Variants in DOK1 observed in about 807,000 individuals in gnomAD.
The protein encoded by DOK1 is Downstream of tyrosine kinase 1.
Under a neutral mutation model 24.0 loss-of-function variants are expected in DOK1, and 12 were observed. The observed-to-expected ratio is 0.50, with a 90% CI of 0.32 to 0.81. The LOEUF is 0.81. DOK1 is among the 30% of genes least tolerant of loss of function. DOK1 has a pLI of 0.03. For synonymous variants in DOK1, 250 were observed against 260.9 expected (o/e 0.96, Z 0.40); for missense variants, 591 against 620.7 (o/e 0.95, Z 0.51).
upstream of DOK1, chr2:74,553,023 A>C: frequency 4.9e-6 from 1 of 205,710 alleles, no homozygotes; most frequent in Non-Finnish European, 9.7e-6. Context: ...GAAAACCAGA[A>C]AGACACAGAG....
Position 74,555,479 on chromosome 2 carries a change from G to C in DOK1, c.360+26G>C. The C allele has an allele frequency of 6.2e-7, 1 of 1,608,214 alleles. No homozygotes were observed. Among genetic ancestry groups the C allele is most frequent in the East Asian group, 2.2e-5 (1 of 44,826 alleles). On this transcript the variant is annotated intron_variant, in intron 2 of 4. Transcript: ENST00000233668. This position sits in a 1 kb window ranked among gnomAD's most constrained non-coding sequence, Gnocchi z 6.1. Reference sequence around the variant, plus strand: ...GTGAGGAGCTGCGGCGATGCGGGGTGGGGGCAGTTACAGAGGCAGAGAAAT... The same window carrying C: ...GTGAGGAGCTGCGGCGATGCGGGGTCGGGGCAGTTACAGAGGCAGAGAAAT...
upstream of DOK1, chr2:74,552,322 CT>C (rs1677068320): frequency 6.3e-7 from 1 of 1,595,190 alleles, no homozygotes; most frequent in Non-Finnish European, 8.6e-7. Flanking sequence ...CATTGCTCAC[CT>C]GTTCCAGGGC....
rs1253310863 is a variant in DOK1, at chr2:74,557,368, A to T, written c.*254A>T. ...CTTCCCTACTTCCCCAAATGAAGGG[A>T]CGGCTGTGGGACCAGGTCTGTGGAA... On this transcript the variant is annotated 3_prime_UTR_variant, in exon 5 of 5. Coordinates refer to ENST00000233668, the MANE Select transcript of DOK1 (RefSeq NM_001381.5). 2 of 455,722 alleles carry T rather than the reference A, an allele frequency of 4.4e-6. No homozygotes were observed. The highest frequency in any genetic ancestry group is 7.9e-6 in the Non-Finnish European group (2 of 252,898). 28.2% of individuals were successfully genotyped at this position (455,722 alleles called of 1,614,324 possible).
chr2:74,550,139 C>A (rs779680225), upstream of DOK1: 1 of 1,579,040 alleles, frequency 6.3e-7, no homozygotes, highest in South Asian at 1.2e-5. Flanking sequence ...ACAGTACTCT[C>A]GGCTATCCTG....
chr2:74,556,845 G>C lies in DOK1; in HGVS notation c.1177G>C (p.Val393Leu). ...PKDAWWCQAR[V>L]KEEGYELPYN... Reference sequence around the variant, plus strand: ...GGATGCATGGTGGTGCCAAGCTCGGGTGAAGGAGGAGGGCTATGAGCTCCC... The same window carrying C: ...GGATGCATGGTGGTGCCAAGCTCGGCTGAAGGAGGAGGGCTATGAGCTCCC... The change falls in exon 5 of 5, where the codon GTG (valine) becomes CTG (leucine). Residue 393 changes from valine (V) to leucine (L), a missense_variant. By Grantham distance (32) the Val-to-Leu change is conservative. Coordinates refer to ENST00000233668, the MANE Select transcript of DOK1 (RefSeq NM_001381.5). This position sits in a 1 kb window ranked among gnomAD's most constrained non-coding sequence, Gnocchi z 4.1. The C allele has an allele frequency of 6.2e-7, 1 of 1,614,124 alleles. No individual in the cohort carries two copies. The highest frequency in any genetic ancestry group is 8.5e-7 in the Non-Finnish European group (1 of 1,180,022).
chr2:74,552,521 C>T, upstream of DOK1: 3 of 1,613,448 alleles, frequency 1.9e-6, no homozygotes, highest in Non-Finnish European at 1.7e-6. Context: ...GCCCCTGGCT[C>T]CCGGCCTTCT....
rs1172237782 is a variant in DOK1 at position 74,555,342 on chromosome 2, G to A, written c.249G>A (p.Glu83=). ...VAPVTVETPP[E]PGATAFRLDT... is the part of the protein sequence containing the mutation. ...CCGTCACCGTGGAGACCCCCCCTGAGCCCGGCGCCACTGCCTTCCGCCTGG... is the reference window on the plus strand; with the variant it reads ...CCGTCACCGTGGAGACCCCCCCTGAACCCGGCGCCACTGCCTTCCGCCTGG... Residue 83 remains glutamate, a synonymous_variant, in exon 2 of 5, where the codon GAG becomes GAA. Transcript: ENST00000233668. The surrounding 1 kb of genome is among the most constrained non-coding windows in gnomAD (Gnocchi z 6.1). The A allele has an allele frequency of 6.2e-7, 1 of 1,613,922 alleles. No homozygotes were observed. Among genetic ancestry groups the A allele is most frequent in the Admixed American group, 1.7e-5 (1 of 60,020 alleles).
rs992969199 is a variant in DOK1 at position 74,556,774 on chromosome 2, C to T, written c.1106C>T (p.Ala369Val). Residue 369 changes from alanine (A) to valine (V), a missense_variant, in exon 5 of 5, where the codon GCC becomes GTC. Transcript: ENST00000233668. This position sits in a 1 kb window ranked among gnomAD's most constrained non-coding sequence, Gnocchi z 4.1. The stretch of plus-strand genomic sequence containing the variant: ...ATCTATGATGAACCTGAGGGCCTGG[C>T]CCCAGTCCCTCCCCAGGGCCTTTAT... Reference protein sequence around the residue: ...DPIYDEPEGLAPVPPQGLYDL... With the variant: ...DPIYDEPEGLVPVPPQGLYDL... 5.0e-6 allele frequency: 8 copies of T among 1,614,042 alleles called. No homozygotes were observed. Among genetic ancestry groups the T allele is most frequent in the Non-Finnish European group, 6.8e-6 (8 of 1,180,022 alleles).
upstream of DOK1, chr2:74,550,171 T>G (rs757317593): frequency 6.2e-7 from 1 of 1,610,256 alleles, no homozygotes; most frequent in Non-Finnish European, 8.5e-7. Flanking sequence ...TGTGTATGTC[T>G]AGGAAATGCA....
In DOK1 at chr2:74,555,161, G is replaced by A; in HGVS notation, c.68G>A (p.Arg23Lys). The change falls in exon 2 of 5, where the codon AGG becomes AAG. Residue 23 changes from arginine to lysine, a missense_variant. By Grantham distance (26) the Arg-to-Lys change is conservative (BLOSUM62 2). Transcript: ENST00000233668. The surrounding 1 kb of genome is among the most constrained non-coding windows in gnomAD (Gnocchi z 6.1). ...CTCTCTCTCTCTCCCTAGAGGTGGA[G>A]GAAGACCTGGGCCGTGCTCTACCCG... ...QSQRFGTKRWRKTWAVLYPAS... is the reference protein window; with the variant it reads ...QSQRFGTKRWKKTWAVLYPAS... 6.2e-7 allele frequency: 1 copy of A among 1,611,456 alleles called. No homozygotes were observed.
rs915013744 is a variant in DOK1, at chr2:74,556,165, G to T, written c.639+87G>T. 2.0e-6 allele frequency: 3 copies of T among 1,530,768 alleles called. No individual in the cohort carries two copies. The highest frequency in any genetic ancestry group is 2.6e-6 in the Non-Finnish European group (3 of 1,139,344). 94.8% of individuals were successfully genotyped at this position (1,530,768 alleles called of 1,614,324 possible). A position where few individuals can be genotyped will look rare whatever the true frequency, so the allele number is the denominator to read the frequency against. Reference sequence around the variant, plus strand: ...CAGAAAGTGGGAAGCTCTGACCTTTGGATCCCCCTTTCTTGCCTACCCGGT... The same window carrying T: ...CAGAAAGTGGGAAGCTCTGACCTTTTGATCCCCCTTTCTTGCCTACCCGGT... On this transcript the variant is annotated intron_variant, in intron 4 of 4. Transcript: ENST00000233668. This position sits in a 1 kb window ranked among gnomAD's most constrained non-coding sequence, Gnocchi z 4.1.
chr2:74,554,765 C>G lies in DOK1; in HGVS notation c.11C>G (p.Ala4Gly), dbSNP rs201014730. The G allele has an allele frequency of 1.7e-5, 27 of 1,613,904 alleles. No homozygotes were observed. In the East Asian group the frequency reaches 3.8e-4, roughly 23 times the overall value. ...GAACCGCCGGGGGCCATGGACGGAGCAGTGATGGAAGGGCCGCTTTTTTTG... is the reference window on the plus strand; with the variant it reads ...GAACCGCCGGGGGCCATGGACGGAGGAGTGATGGAAGGGCCGCTTTTTTTG... MDG[A>G]VMEGPLFLQS... The change falls in exon 1 of 5, where the codon GCA becomes GGA. Residue 4 changes from alanine (A) to glycine (G), a missense_variant. Ala to Gly is a moderately conservative substitution (Grantham distance 60). Coordinates refer to ENST00000233668, the MANE Select transcript of DOK1 (RefSeq NM_001381.5). The surrounding 1 kb of genome is among the most constrained non-coding windows in gnomAD (Gnocchi z 4.9).
Position 74,554,963 on chromosome 2 carries a change from G to A in DOK1, c.60+149G>A, listed in dbSNP as rs1677313559. ...CCGTGAAGTTGCTTTGCACACTCCCGGGAAGCGTCTGTAGTCTAGGGGTTC... is the reference window on the plus strand; with the variant it reads ...CCGTGAAGTTGCTTTGCACACTCCCAGGAAGCGTCTGTAGTCTAGGGGTTC... On this transcript the variant is annotated intron_variant, in intron 1 of 4. Transcript: ENST00000233668. This position sits in a 1 kb window ranked among gnomAD's most constrained non-coding sequence, Gnocchi z 4.9. The A allele has an allele frequency of 1.4e-6, 2 of 1,445,082 alleles. No homozygotes were observed. The highest frequency in any genetic ancestry group is 1.2e-5 in the South Asian group (1 of 82,058). 89.5% of individuals were successfully genotyped at this position (1,445,082 alleles called of 1,614,324 possible).
At position 74,549,528 on chromosome 2, in the gene DOK1, C is replaced by A; in HGVS notation, c.-358+356C>A. Reference sequence around the variant, plus strand: ...CTCCGTCACGGGCAGGGGTCGTCTGCCCCACCCAACGGCGGGTCGAATTCG... The same window carrying A: ...CTCCGTCACGGGCAGGGGTCGTCTGACCCACCCAACGGCGGGTCGAATTCG... On this transcript the variant is annotated intron_variant, in intron 1 of 4. Coordinates refer to the DOK1 transcript ENST00000409429. The surrounding 1 kb of genome is among the most constrained non-coding windows in gnomAD (Gnocchi z 5.3). The A allele has an allele frequency of 6.2e-7, 1 of 1,613,104 alleles. No homozygotes were observed. Among genetic ancestry groups the A allele is most frequent in the Admixed American group, 1.7e-5 (1 of 59,994 alleles).
Position 74,556,493 on chromosome 2 carries a change from A to G in DOK1, c.825A>G (p.Ala275=). The G allele has an allele frequency of 6.2e-7, 1 of 1,614,202 alleles. No individual in the cohort carries two copies. ...LRADSHEGEV[A]EGKLPSPPGP... Reference sequence around the variant, plus strand: ...CTGACTCCCATGAAGGGGAGGTGGCAGAGGGGAAGTTGCCTTCCCCACCTG... The same window carrying G: ...CTGACTCCCATGAAGGGGAGGTGGCGGAGGGGAAGTTGCCTTCCCCACCTG... Residue 275 remains alanine (A), a synonymous_variant, in exon 5 of 5, where the codon GCA becomes GCG. Coordinates refer to ENST00000233668, the MANE Select transcript of DOK1 (RefSeq NM_001381.5). The surrounding 1 kb of genome is among the most constrained non-coding windows in gnomAD (Gnocchi z 4.1).
chr2:74,556,372 C>G lies in DOK1; in HGVS notation c.704C>G (p.Thr235Arg). 6.2e-7 allele frequency: 1 copy of G among 1,613,938 alleles called. No homozygotes were observed. Among genetic ancestry groups the G allele is most frequent in the Non-Finnish European group, 8.5e-7 (1 of 1,180,018 alleles). The change falls in exon 5 of 5, where the codon ACG becomes AGG. Residue 235 changes from threonine to arginine, a missense_variant. Transcript: ENST00000233668. This position sits in a 1 kb window ranked among gnomAD's most constrained non-coding sequence, Gnocchi z 4.1. ...PSGPGTFTFQ[T>R]AQGNDIFQAV... is the part of the protein sequence containing the mutation. Reference sequence around the variant, plus strand: ...GGCCCTGGAACCTTCACCTTCCAGACGGCACAGGGAAATGACATCTTCCAG... The same window carrying G: ...GGCCCTGGAACCTTCACCTTCCAGAGGGCACAGGGAAATGACATCTTCCAG...
In DOK1 at chr2:74,549,525, C is replaced by T. The variant is rs1470620333; in HGVS notation, c.-358+353C>T. The T allele has an allele frequency of 1.9e-6, 3 of 1,613,208 alleles. No individual in the cohort carries two copies. The highest frequency in any genetic ancestry group is 1.7e-5 in the Admixed American group (1 of 59,998). On this transcript the variant is annotated intron_variant, in intron 1 of 4. Coordinates refer to the DOK1 transcript ENST00000409429. This position sits in a 1 kb window ranked among gnomAD's most constrained non-coding sequence, Gnocchi z 5.3. ...CCCCTCCGTCACGGGCAGGGGTCGT[C>T]TGCCCCACCCAACGGCGGGTCGAAT...
rs1463984321 is a variant in DOK1 at position 74,555,597 on chromosome 2, C to T, written c.383C>T (p.Pro128Leu). 1.9e-6 allele frequency: 3 copies of T among 1,614,130 alleles called. No homozygotes were observed. Among genetic ancestry groups the T allele is most frequent in the East Asian group, 4.5e-5 (2 of 44,908 alleles). Residue 128 changes from proline (P) to leucine (L), a missense_variant, in exon 3 of 5, where the codon CCT becomes CTT. Physicochemically the swap from Pro to Leu is moderately conservative, Grantham distance 98. Transcript: ENST00000233668. This position sits in a 1 kb window ranked among gnomAD's most constrained non-coding sequence, Gnocchi z 6.1. The stretch of plus-strand genomic sequence containing the variant: ...CAGAAAGGCAGCTGGACTCTGGCGC[C>T]TACCGATAACCCACCTAAGCTTTCT... ...AFPKGSWTLA[P>L]TDNPPKLSAL...
upstream of DOK1, chr2:74,552,317 C>T (rs745436772): frequency 2.5e-6 from 4 of 1,593,300 alleles, no homozygotes; most frequent in South Asian, 2.2e-5. Context: ...TGGATCATTG[C>T]TCACCTGTTC....
Sources: gnomAD v4.1 joint callset for allele counts on GRCh38, gnomAD v4.1.1 for gene constraint, Gnocchi (gnomAD v3.1) non-coding constraint, MANE v1.5 for transcripts, NCBI Gene and HGNC (gene_info 2026-07-23, HGNC 2026-07-21) for gene names.